Variants in MTNAP1 observed in about 807,000 individuals in gnomAD.
MTNAP1 encodes the protein mitochondrial nucleoid associated protein 1.
At chr17:73,236,203 A>G in the MTNAP1 span, 2 of 1,614,104 alleles carry the variant, frequency 1.2e-6, no homozygotes, top group South Asian at 2.2e-5. Context: ...TGGGGTTAAA[A>G]GGGTAAGAAC....
chr17:73,245,816 CTTAA>C, the MTNAP1 span: 8 of 709,996 alleles, frequency 1.1e-5, no homozygotes, highest in Non-Finnish European at 1.4e-5. Flanking sequence ...TTTTATACAT[CTTAA>C]TTGAGTATAA....
chr17:73,237,092 TTTAG>T, the MTNAP1 span: 1 of 1,231,892 alleles, frequency 8.1e-7, no homozygotes, highest in Non-Finnish European at 1.1e-6. Flanking sequence ...TTTTCAGTCA[TTTAG>T]TTTATTTTCA....
At chr17:73,238,124 G>A in the MTNAP1 span, among the ~76,000 whole-genome samples, 3 of 151,160 alleles carry the variant, frequency 2.0e-5, no homozygotes, top group African/African-American at 4.8e-5. Context: ...GGAAGACCAA[G>A]GCCCAAGGAG....
chr17:73,242,137 A>T, the MTNAP1 span: 1 of 639,670 alleles, frequency 1.6e-6, no homozygotes, highest in Non-Finnish European at 2.7e-6. Context: ...GCACCTGTTT[A>T]GAATATGCTC....
At chr17:73,239,885 C>G in the MTNAP1 span, among the ~76,000 whole-genome samples, 1 of 152,146 alleles carries the variant, frequency 6.6e-6, no homozygotes, top group African/African-American at 2.4e-5. Context: ...AGGATTCAAA[C>G]CCAGGTTCGT....
At chr17:73,245,658 G>C in the MTNAP1 span, 1 of 985,172 alleles carries the variant, frequency 1.0e-6, no homozygotes, top group Non-Finnish European at 1.2e-6. Flanking sequence ...TAGTTTCTTT[G>C]GGGCCCTTGA....
the MTNAP1 span, chr17:73,248,561 G>A: frequency 1.9e-4 from 302 of 1,551,010 alleles, 1 homozygote; most frequent in African/African-American, 3.0e-3. Context: ...CAAATGCAGC[G>A]TGAGAATCCA....
chr17:73,236,569 T>TA, the MTNAP1 span: 3 of 1,614,140 alleles, frequency 1.9e-6, no homozygotes, highest in Non-Finnish European at 2.5e-6. Context: ...GGAGACGACT[T>TA]ACCAGTTTCA....
the MTNAP1 span, chr17:73,235,957 T>C: frequency 1.2e-6 from 2 of 1,614,218 alleles, no homozygotes; most frequent in Non-Finnish European, 1.7e-6. Flanking sequence ...TTTGCCTAAA[T>C]CAGGAGAAAG....
At chr17:73,239,562 A>G in the MTNAP1 span, among the ~76,000 whole-genome samples, 1 of 140,312 alleles carries the variant, frequency 7.1e-6, no homozygotes, top group Non-Finnish European at 1.5e-5. Context: ...TCTGTCTCCC[A>G]GGCTGGAGTG....
the MTNAP1 span, chr17:73,245,246 C>A: frequency 6.2e-7 from 1 of 1,605,294 alleles, no homozygotes. Context: ...ACAGTGGAGA[C>A]GACTGCAATA....
the MTNAP1 span, chr17:73,248,363 T>C: frequency 1.7e-5 from 14 of 836,602 alleles, no homozygotes; most frequent in African/African-American, 1.5e-4. Flanking sequence ...AGAACGTCTC[T>C]AACATGATTT....
the MTNAP1 span, chr17:73,245,852 A>G: frequency 2.3e-6 from 1 of 444,188 alleles, no homozygotes; most frequent in African/African-American, 2.1e-5. Context: ...TGGCTAATGT[A>G]TCATCTCTTC....
the MTNAP1 span, chr17:73,232,934 CGCAGAATCAGAACAGCTG>C: frequency 0.51 from 76,938 of 151,464 alleles, 19,633 homozygotes; most frequent in East Asian, 0.61. Flanking sequence ...CCATCCACTC[CGCAGAATCAGAACAGCTG>C]GCAGAATCAG....
chr17:73,238,008 G>T, the MTNAP1 span, among the ~76,000 whole-genome samples: 1 of 152,148 alleles, frequency 6.6e-6, no homozygotes, highest in East Asian at 1.9e-4. Context: ...GGCGAGAAGG[G>T]CTTGGGGCGA....
the MTNAP1 span, chr17:73,235,605 T>G: frequency 6.2e-7 from 1 of 1,613,760 alleles, no homozygotes; most frequent in Non-Finnish European, 8.5e-7. Flanking sequence ...ATCAAAAAGT[T>G]TATCAGTCCA....
At chr17:73,236,826 T>TGCAGCTGCTGGCAGGAAGACTCTTC in the MTNAP1 span, 1 of 1,614,122 alleles carries the variant, frequency 6.2e-7, no homozygotes, top group South Asian at 1.1e-5. Context: ...CCAATCATGC[T>TGCAGCTGCTGGCAGGAAGACTCTTC]GCAGCTGCTG....
the MTNAP1 span, chr17:73,247,166 C>A: frequency 7.4e-7 from 1 of 1,345,918 alleles, no homozygotes; most frequent in Non-Finnish European, 1.1e-6. Context: ...CACACAACAA[C>A]AGCAAAGTCG....
At chr17:73,241,758 C>G in the MTNAP1 span, among the ~76,000 whole-genome samples, 1 of 152,074 alleles carries the variant, frequency 6.6e-6, no homozygotes, top group Non-Finnish European at 1.5e-5. Context: ...GGCGAAACCC[C>G]GTCTCTACTA....
Sources: gnomAD v4.1 joint callset for allele counts (sites outside exome capture counted in the v4.1 genomes callset) on GRCh38, gnomAD v4.1.1 for gene constraint, MANE v1.5 for transcripts, NCBI Gene and HGNC (gene_info 2026-07-23, HGNC 2026-07-21) for gene names.